Variants in MYO7A observed in about 807,000 individuals in gnomAD.
MYO7A encodes unconventional myosin-VIIa.
A neutral mutation model predicts 263.8 loss-of-function variants in MYO7A; 210 were observed. The ratio of observed to expected loss-of-function variants is 0.80; its 90% CI spans 0.71 to 0.89. The LOEUF (loss-of-function observed/expected upper bound fraction) is 0.89, where lower values mean the gene tolerates loss of function less well. Among genes scored for constraint, MYO7A ranks in the 40% least tolerant of loss-of-function variants. The pLI is 0.00. For missense variants in MYO7A, 2,820 were observed against 2,968.3 expected, an observed-to-expected ratio of 0.95 and a Z score of 1.16; for synonymous variants, 1,239 against 1,197.3, an observed-to-expected ratio of 1.03 and a Z score of -0.72.
intron 2 of MYO7A, among the ~76,000 whole-genome samples, chr11:77,142,342 G>A (rs1951263378): frequency 6.6e-6 from 1 of 152,208 alleles, no homozygotes. Context: ...TCATGTTAGA[G>A]AGGAAGTGGT....
chr11:77,204,973 T>C (rs969739123), intron 39 of MYO7A, among the ~76,000 whole-genome samples: 2 of 152,142 alleles, frequency 1.3e-5, no homozygotes, highest in Non-Finnish European at 2.9e-5. Context: ...CCCTCCAAAC[T>C]TCCCACTGTC....
In MYO7A at chr11:77,199,780, C is replaced by G. The variant is rs1956934694; in HGVS notation, c.4814C>G (p.Ser1605Cys). The change falls in exon 35 of 49, where the codon TCT becomes TGT. Residue 1605 changes from serine to cysteine, a missense_variant. By Grantham distance (112) the Ser-to-Cys change is moderately radical (BLOSUM62 -1). Coordinates refer to ENST00000409709, the MANE Select transcript of MYO7A (RefSeq NM_000260.4). ...TTCCTAGAGGGGCTCCGGAAGAGATCTAAGTATGTTGTGGCCCTGCAGGAT... is the reference window on the plus strand; with the variant it reads ...TTCCTAGAGGGGCTCCGGAAGAGATGTAAGTATGTTGTGGCCCTGCAGGAT... ...VTFLEGLRKR[S>C]KYVVALQDNP... 1 of 1,607,786 alleles carries G rather than the reference C, an allele frequency of 6.2e-7. No individual in the cohort carries two copies. The highest frequency in any genetic ancestry group is 1.7e-5 in the Admixed American group (1 of 59,828).
intron 9 of MYO7A, among the ~76,000 whole-genome samples, 157 bp from the exon 10 acceptor site, chr11:77,159,290 C>G (rs1952765987): frequency 6.6e-6 from 1 of 152,206 alleles, no homozygotes; most frequent in African/African-American, 2.4e-5. Context: ...TCAAATACAC[C>G]TTGACCTGGG....
At chr11:77,131,474 A>G (rs1371998130) in intron 2 of MYO7A, among the ~76,000 whole-genome samples, 1 of 152,208 alleles carries the variant, frequency 6.6e-6, no homozygotes, top group Non-Finnish European at 1.5e-5. Flanking sequence ...CAGGACAGAC[A>G]TTCTTCTATC....
intron 8 of MYO7A, 32 bp downstream of exon 8, chr11:77,157,424 G>A (rs1039641461): frequency 2.1e-5 from 31 of 1,469,092 alleles, no homozygotes; most frequent in Middle Eastern, 1.9e-4. Context: ...GGGTAGGGGG[G>A]CACCCACCCT....
chr11:77,209,903 C>T (rs1039488520), intron 44 of MYO7A, among the ~76,000 whole-genome samples: 2 of 152,006 alleles, frequency 1.3e-5, no homozygotes, highest in African/African-American at 4.9e-5. Context: ...CCACTAACTG[C>T]TCCTGCTGCC....
chr11:77,154,715 G>C (rs1952282747), intron 4 of MYO7A, among the ~76,000 whole-genome samples: 1 of 151,300 alleles, frequency 6.6e-6, no homozygotes, highest in Admixed American at 6.6e-5. Context: ...TCCATGGGTT[G>C]ATTGGAGGAA....
At chr11:77,184,815 G>C (rs1555087506) in intron 27 of MYO7A, 100 bp downstream of exon 27, 1 of 1,545,256 alleles carries the variant, frequency 6.5e-7, no homozygotes, top group East Asian at 2.4e-5. Context: ...GCAGGCCTGG[G>C]TTTGGCTTCG....
intron 3 of MYO7A, 94 bp downstream of exon 3, chr11:77,142,916 G>C: frequency 1.9e-6 from 2 of 1,059,266 alleles, no homozygotes; most frequent in Non-Finnish European, 2.8e-6. Flanking sequence ...AAAGGAGATG[G>C]AGGCCATGCC....
At chr11:77,133,972 C>T (rs1410477001) in intron 2 of MYO7A, among the ~76,000 whole-genome samples, 2 of 152,170 alleles carry the variant, frequency 1.3e-5, no homozygotes, top group East Asian at 1.9e-4. Context: ...TCTTGTAGCC[C>T]ATGCTGGAGT....
chr11:77,212,116 G>A (rs1325737242), intron 46 of MYO7A, 179 bp downstream of exon 46: 2 of 693,960 alleles, frequency 2.9e-6, no homozygotes, highest in Admixed American at 2.0e-5. Flanking sequence ...GTAAGTCCTG[G>A]GGACAGAGGG....
At chr11:77,149,689 C>T (rs961887699) in intron 4 of MYO7A, among the ~76,000 whole-genome samples, 2 of 152,138 alleles carry the variant, frequency 1.3e-5, no homozygotes, top group African/African-American at 4.8e-5. Flanking sequence ...GCTTCAGGCT[C>T]CAGAGGAGAG....
chr11:77,150,903 CG>C (rs1565327095), intron 4 of MYO7A, among the ~76,000 whole-genome samples: 1 of 152,220 alleles, frequency 6.6e-6, no homozygotes, highest in Non-Finnish European at 1.5e-5. Context: ...TCGTCCCACC[CG>C]GAAACCAAAC....
chr11:77,205,678 T>C, intron 40 of MYO7A, 61 bp downstream of exon 40: 4 of 1,599,440 alleles, frequency 2.5e-6, no homozygotes, highest in Non-Finnish European at 3.4e-6. Flanking sequence ...ACGCGGGGCT[T>C]GTGGGATGAG....
intron 3 of MYO7A, among the ~76,000 whole-genome samples, chr11:77,145,019 G>A (rs1236129376): frequency 6.6e-6 from 1 of 152,168 alleles, no homozygotes; most frequent in Admixed American, 6.5e-5. Flanking sequence ...GCCCCCGGTA[G>A]GTACCTGTGG....
At chr11:77,192,015 A>ACTCTGTGCCTGCTCCCCTCCC in intron 30 of MYO7A, 36 bp from the exon 31 acceptor site, 1 of 1,579,124 alleles carries the variant, frequency 6.3e-7, no homozygotes, top group Non-Finnish European at 8.7e-7. Context: ...TCCTTCCCTG[A>ACTCTGTGCCTGCTCCCCTCCC]CTCTGTGCCT....
At position 77,207,363 on chromosome 11, in the gene MYO7A, C is replaced by T; in HGVS notation, c.5817C>T (p.Ser1939=). Residue 1939 remains serine (S), a synonymous_variant, in exon 42 of 49, where the codon TCC becomes TCT. Transcript: ENST00000409709. ...QNIATRLLLK[S]SEGFSLFVKI... is the part of the protein sequence containing the mutation. ...TCGCCACCAGGCTGCTCCTCAAGTC[C>T]TCAGAGGGATTCAGCCTCTTTGTCA... 6.2e-7 allele frequency: 1 copy of T among 1,612,170 alleles called. No individual in the cohort carries two copies. Among genetic ancestry groups the T allele is most frequent in the Non-Finnish European group, 8.5e-7 (1 of 1,179,178 alleles).
chr11:77,139,822 GC>G (rs1555049549), intron 2 of MYO7A, among the ~76,000 whole-genome samples: 2 of 152,130 alleles, frequency 1.3e-5, no homozygotes, highest in East Asian at 3.9e-4. Context: ...TCTCTCTTTG[GC>G]CCTCAGTTTC....
At chr11:77,169,360 G>C (rs4944146) in intron 15 of MYO7A, among the ~76,000 whole-genome samples, 55,858 of 152,120 alleles carry the variant, frequency 0.37, 10,537 homozygotes, top group Admixed American at 0.41. Flanking sequence ...ATATTGAGTA[G>C]CCCCTGATTA....
Sources: allele counts gnomAD v4.1 joint callset (sites outside exome capture counted in the v4.1 genomes callset), GRCh38; gene constraint gnomAD v4.1.1; transcripts MANE v1.5; gene names NCBI Gene and HGNC (gene_info 2026-07-23, HGNC 2026-07-21).